The following MYO18B variants were observed in gnomAD, a reference collection of about 807,000 sequenced individuals.
The protein encoded by MYO18B is unconventional myosin-XVIIIb.
Under a neutral mutation model 273.0 loss-of-function variants are expected in MYO18B, and 204 were observed. The observed-to-expected ratio is 0.75, with a 90% CI of 0.67 to 0.84. The LOEUF (loss-of-function observed/expected upper bound fraction) is 0.84. Ranked by LOEUF, MYO18B falls within the 40% of genes least tolerant of loss-of-function variation. MYO18B has a pLI of 0.00. For synonymous variants in MYO18B, 1,330 were observed against 1,305.7 expected (o/e 1.02, Z -0.40); for missense variants, 3,212 against 3,287.6 (o/e 0.98, Z 0.56).
rs371797458 is a variant in MYO18B at position 25,858,390 on chromosome 22, A to G, written c.3885+6811A>G. ...GCAGGTGCTATATGGACGGCAGCCA[A>G]ATGGTTCACAGGATGAGTATCCTAT... On this transcript the variant is annotated intron_variant, in intron 21 of 43. Coordinates refer to ENST00000335473, the MANE Select transcript of MYO18B (RefSeq NM_032608.7). 1.7e-3 allele frequency among the ~76,000 whole-genome samples: 266 copies of G among 152,332 alleles called. 12 individuals are homozygous for G. The South Asian group carries it at 0.054, about 31-fold the overall frequency.
chr22:25,867,999 A>T (rs2090939588), intron 21 of MYO18B, among the ~76,000 whole-genome samples: 1 of 152,174 alleles, frequency 6.6e-6, no homozygotes, highest in South Asian at 2.1e-4. Flanking sequence ...TGGTAATTCT[A>T]TGTTTAATTA....
At chr22:25,939,628 G>T in intron 34 of MYO18B, among the ~76,000 whole-genome samples, 1 of 152,190 alleles carries the variant, frequency 6.6e-6, no homozygotes, top group East Asian at 1.9e-4. Context: ...CACCATCAAA[G>T]CACATGGATG....
chr22:25,764,057 T>C lies in MYO18B; in HGVS notation c.198+668T>C, dbSNP rs185977659. Among the ~76,000 whole-genome samples the C allele has an allele frequency of 1.7e-3, 258 of 152,296 alleles. 1 individual carries two copies. The highest frequency in any genetic ancestry group is 6.1e-3 in the African/African-American group (252 of 41,556). ...ACCCAGGTCCCTCTCCTGAGTCCCT[T>C]GGAATGGCTACAATCCAATAATTAC... On this transcript the variant is annotated intron_variant, in intron 3 of 43. Coordinates refer to ENST00000335473, the MANE Select transcript of MYO18B (RefSeq NM_032608.7).
At position 25,878,020 on chromosome 22, in the gene MYO18B, G is replaced by A. The variant is rs1384227742; in HGVS notation, c.4286G>A (p.Arg1429Gln). 21 of 1,583,944 alleles carry A rather than the reference G, an allele frequency of 1.3e-5. No homozygotes were observed. The South Asian group carries it at 1.7e-4, about 13-fold the overall frequency. The change falls in exon 25 of 44, where the codon CGG becomes CAG. Residue 1429 changes from arginine (R) to glutamine (Q), a missense_variant. By Grantham distance (43) the Arg-to-Gln change is conservative. Coordinates refer to ENST00000335473, the MANE Select transcript of MYO18B (RefSeq NM_032608.7). ...TCAGAGAAGTTGCGGAATGAACTCC[G>A]GCAGAACACAGATCTGCTAGAAAGC... ...EKSEKLRNEL[R>Q]QNTDLLESKI...
intron 12 of MYO18B, among the ~76,000 whole-genome samples, chr22:25,816,514 C>A (rs1306381024): frequency 7.7e-6 from 1 of 130,334 alleles, no homozygotes; most frequent in Middle Eastern, 4.1e-3. Flanking sequence ...CCCAGACAGG[C>A]CCCAATGTGT....
At position 25,846,079 on chromosome 22, in the gene MYO18B, CT is replaced by C; in HGVS notation, c.3369-17del. 6.7e-7 allele frequency: 1 copy of C among 1,501,890 alleles called. No homozygotes were observed. The highest frequency in any genetic ancestry group is 8.8e-7 in the Non-Finnish European group (1 of 1,130,050). The allele number at this position is 1,501,890 out of a possible 1,614,324, so 93.0% of individuals were successfully genotyped here. A position where few individuals can be genotyped will look rare whatever the true frequency, so the allele number is the denominator to read the frequency against. On this transcript the variant is annotated intron_variant, in intron 18 of 43. Transcript: ENST00000335473. ...CAAGAACCTCCTAAAGCTCCTCTCT[CT>C]TTTCCCTCCTCCCCACCAGAGAGGA...
intron 25 of MYO18B, among the ~76,000 whole-genome samples, chr22:25,889,443 G>A (rs1020098574): frequency 6.6e-6 from 1 of 152,030 alleles, no homozygotes; most frequent in African/African-American, 2.4e-5. Context: ...ACATGTGACC[G>A]CACCCAATTC....
intron 33 of MYO18B, among the ~76,000 whole-genome samples, chr22:25,916,770 G>A (rs1431890195): frequency 6.6e-6 from 1 of 152,286 alleles, no homozygotes; most frequent in South Asian, 2.1e-4. Context: ...AGTGGCTCAC[G>A]CCTGTAATCC....
rs569635993 is a variant in MYO18B, at chr22:25,844,312, C to T, written c.3368+418C>T. Among the ~76,000 whole-genome samples the T allele has an allele frequency of 2.6e-5, 4 of 152,272 alleles. No homozygotes were observed. In the East Asian group the frequency reaches 5.8e-4, roughly 22 times the overall value. On this transcript the variant is annotated intron_variant, in intron 18 of 43. Coordinates refer to ENST00000335473, the MANE Select transcript of MYO18B (RefSeq NM_032608.7). ...CTGGCTGCTCAGCCCAGAGTGCTGG[C>T]GTGAGGCCGGCAGCATTCTCTGCTT...
chr22:25,863,559 T>G (rs764531877), intron 21 of MYO18B, among the ~76,000 whole-genome samples: 1 of 152,188 alleles, frequency 6.6e-6, no homozygotes, highest in African/African-American at 2.4e-5. Context: ...TTTTTAAAAA[T>G]TTGTGTTTTT....
At chr22:26,010,278 A>G (rs1934794282) in intron 42 of MYO18B, among the ~76,000 whole-genome samples, 1 of 152,124 alleles carries the variant, frequency 6.6e-6, no homozygotes, top group African/African-American at 2.4e-5. Context: ...TCCATCCTCT[A>G]TACTTTAGCC....
chr22:25,891,276 A>C, intron 26 of MYO18B, 28 bp from the exon 27 acceptor site: 1 of 1,476,050 alleles, frequency 6.8e-7, no homozygotes, highest in Non-Finnish European at 9.3e-7. Context: ...GTCCAGCTCT[A>C]GTTTAGACCT....
In MYO18B at chr22:25,910,872, G is replaced by A. The variant is rs536088257; in HGVS notation, c.5260-74G>A. 3.1e-4 allele frequency: 367 copies of A among 1,202,588 alleles called. 3 individuals are homozygous for A. In the African/African-American group the frequency reaches 5.0e-3, roughly 16 times the overall value. The allele number at this position is 1,202,588 out of a possible 1,614,324, so 74.5% of individuals were successfully genotyped here. A position where few individuals can be genotyped will look rare whatever the true frequency, so the allele number is the denominator to read the frequency against. On this transcript the variant is annotated intron_variant, in intron 32 of 43. Coordinates refer to ENST00000335473, the MANE Select transcript of MYO18B (RefSeq NM_032608.7). ...AGCTCTACATTCCTCCGCCTTCTGA[G>A]GGTCCTTGCCTTGTAGGATGTGTCT...
intron 34 of MYO18B, among the ~76,000 whole-genome samples, chr22:25,931,261 A>T (rs2092496097): frequency 6.6e-6 from 1 of 152,142 alleles, no homozygotes; most frequent in Admixed American, 6.5e-5. Context: ...CACCCCACAA[A>T]TGTTGACACA....
chr22:25,935,520 G>A (rs1399321356), intron 34 of MYO18B, among the ~76,000 whole-genome samples: 1 of 152,118 alleles, frequency 6.6e-6, no homozygotes, highest in Non-Finnish European at 1.5e-5. Context: ...TGGGTGAGGG[G>A]GAGGTGAGAG....
At chr22:25,840,000 T>C (rs1283048030) in intron 17 of MYO18B, among the ~76,000 whole-genome samples, 1 of 152,178 alleles carries the variant, frequency 6.6e-6, no homozygotes. Flanking sequence ...GGTCACCCTT[T>C]AGATACCTTC....
At chr22:25,779,390 C>T (rs2087045379) in intron 8 of MYO18B, among the ~76,000 whole-genome samples, 1 of 152,090 alleles carries the variant, frequency 6.6e-6, no homozygotes, top group Non-Finnish European at 1.5e-5. Context: ...ATCAGGTAAC[C>T]AGGAAAGGGC....
Position 26,004,823 on chromosome 22 carries a change from G to C in MYO18B, c.6438G>C (p.Gln2146His), listed in dbSNP as rs893200209. 1.2e-6 allele frequency: 2 copies of C among 1,613,808 alleles called. No homozygotes were observed. The highest frequency in any genetic ancestry group is 1.7e-6 in the Non-Finnish European group (2 of 1,179,746). ...ATACTATGAGGACTCCTTCTCGACA[G>C]TCAGCCACCAGCAGCCGCATCCTCA... Reference protein sequence around the residue: ...ATDTMRTPSRQSATSSRILSP... With the variant: ...ATDTMRTPSRHSATSSRILSP... The change falls in exon 42 of 44, where the codon CAG (glutamine) becomes CAC (histidine). Residue 2146 changes from glutamine to histidine, a missense_variant. Gln to His is a conservative substitution (Grantham distance 24). Transcript: ENST00000335473.
chr22:25,746,551 CAA>C (rs2085783931), intron 1 of MYO18B, among the ~76,000 whole-genome samples: 1 of 152,190 alleles, frequency 6.6e-6, no homozygotes, highest in African/African-American at 2.4e-5. Flanking sequence ...CCAGTTGTGA[CAA>C]CCCAAAATGT....
Sources: allele counts gnomAD v4.1 joint callset (sites outside exome capture counted in the v4.1 genomes callset), GRCh38; gene constraint gnomAD v4.1.1; transcripts MANE v1.5; gene names NCBI Gene and HGNC (gene_info 2026-07-23, HGNC 2026-07-21).